The following HAGH variants were observed in gnomAD, a reference collection of about 807,000 sequenced individuals.
HAGH encodes the protein hydroxyacylglutathione hydrolase, also known as hydroxyacylglutathione hydrolase, mitochondrial.
HAGH carries 29 observed loss-of-function variants against 35.1 expected under a neutral mutation model. That is an observed-to-expected ratio of 0.83 (90% CI 0.62 to 1.13). The LOEUF is 1.13. Among genes scored for constraint, HAGH ranks in the 50% most tolerant of loss-of-function variants. The pLI is 0.00. For missense variants in HAGH, 478 were observed against 419.6 expected, an observed-to-expected ratio of 1.14 and a Z score of -1.22; for synonymous variants, 225 against 176.1, an observed-to-expected ratio of 1.28 and a Z score of -2.20.
chr16:1,821,372 A>T (rs541323165), intron 3 of HAGH: 1 of 152,492 alleles, frequency 6.6e-6, no homozygotes, highest in East Asian at 1.9e-4. Context: ...ATTTCACCCC[A>T]ACACAGAGGC....
At chr16:1,809,570 C>T (rs1424508861) in intron 8 of HAGH, 184 bp downstream of exon 8, 19 of 665,758 alleles carry the variant, frequency 2.9e-5, no homozygotes, top group Admixed American at 1.8e-4. Flanking sequence ...ACTCACACCC[C>T]GGCCAAGGTG....
rs1041665805 is a variant in HAGH at position 1,807,795 on chromosome 16, G to C, written c.*1488C>G. The C allele has an allele frequency of 6.6e-6, 1 of 152,378 alleles. No homozygotes were observed. Among genetic ancestry groups the C allele is most frequent in the East Asian group, 1.9e-4 (1 of 5,176 alleles). 9.4% of individuals were successfully genotyped at this position (152,378 alleles called of 1,614,324 possible). On this transcript the variant is annotated 3_prime_UTR_variant, in exon 9 of 9. Coordinates refer to ENST00000397356, the MANE Select transcript of HAGH (RefSeq NM_005326.6). Reference sequence around the variant, plus strand: ...CTTCCGTGGCATCCCAGAGGGGTCTGCGAGTATGCGAACAGACCAGTGACC... The same window carrying C: ...CTTCCGTGGCATCCCAGAGGGGTCTCCGAGTATGCGAACAGACCAGTGACC...
rs543397748 is a variant in HAGH, at chr16:1,819,159, A to C, written c.497T>G (p.Phe166Cys). 1 of 1,613,158 alleles carries C rather than the reference A, an allele frequency of 6.2e-7. No homozygotes were observed. Among genetic ancestry groups the C allele is most frequent in the African/African-American group, 1.3e-5 (1 of 74,914 alleles). Residue 166 changes from phenylalanine (F) to cysteine (C), a missense_variant, in exon 5 of 9, where the codon TTC (phenylalanine) becomes TGC (cysteine). Physicochemically the swap from Phe to Cys is radical, Grantham distance 205. Coordinates refer to ENST00000397356, the MANE Select transcript of HAGH (RefSeq NM_005326.6). ...CTCCGAGCCTCCGGGCTTGCTCACG[A>C]AGTAACAAATGTGTCCTGAAGTGTG... is the stretch of plus-strand genomic sequence containing the variant. The part of the protein sequence containing the change: ...PCHTSGHICY[F>C]VSKPGGSEPP...
chr16:1,809,916 C>CA, intron 7 of HAGH, 83 bp from the exon 8 acceptor site: 1 of 1,016,422 alleles, frequency 9.8e-7, no homozygotes, highest in Non-Finnish European at 1.5e-6. Context: ...GTGATACCAG[C>CA]ACTTTGGGAG....
At position 1,826,797 on chromosome 16, in the gene HAGH, C is replaced by G; in HGVS notation, c.-10G>C. The G allele has an allele frequency of 8.2e-7, 1 of 1,218,678 alleles. No individual in the cohort carries two copies. Among genetic ancestry groups the G allele is most frequent in the Non-Finnish European group, 1.0e-6 (1 of 977,568 alleles). 75.5% of individuals were successfully genotyped at this position (1,218,678 alleles called of 1,614,324 possible). A position where few individuals can be genotyped will look rare whatever the true frequency, so the allele number is the denominator to read the frequency against. On this transcript the variant is annotated 5_prime_UTR_variant, in exon 1 of 9. Transcript: ENST00000397356. ...CTCGGCCCACCACCATGACCCGGGC[C>G]GGGCTGGACTGCCGAGCTGCCCAGG...
At chr16:1,809,912 C>T in intron 7 of HAGH, 79 bp from the exon 8 acceptor site, 1 of 1,070,536 alleles carries the variant, frequency 9.3e-7, no homozygotes, top group Non-Finnish European at 1.4e-6. Flanking sequence ...GTCTGTGATA[C>T]CAGCACTTTG....
chr16:1,809,422 A>ACGCC, intron 8 of HAGH, 40 bp from the exon 9 acceptor site: 1 of 1,548,112 alleles, frequency 6.5e-7, no homozygotes, highest in Non-Finnish European at 8.8e-7. Flanking sequence ...GTGCCGAGCC[A>ACGCC]CGCCCACCGG....
At chr16:1,812,967 C>T (rs113882121) in intron 7 of HAGH, among the ~76,000 whole-genome samples, 3 of 152,294 alleles carry the variant, frequency 2.0e-5, no homozygotes, top group Non-Finnish European at 2.9e-5. Context: ...CCACAAGCAC[C>T]GGGGAAGGGG....
At chr16:1,819,346 T>A (rs1898045321) in intron 4 of HAGH, 123 bp from the exon 5 acceptor site, 1 of 628,946 alleles carries the variant, frequency 1.6e-6, no homozygotes, top group Non-Finnish European at 2.8e-6. Flanking sequence ...CCCGTGAAGG[T>A]GGGGCAGGTG....
intron 1 of HAGH, among the ~76,000 whole-genome samples, chr16:1,823,824 A>C (rs1200363580): frequency 1.1e-4 from 17 of 150,612 alleles, no homozygotes; most frequent in Admixed American, 1.1e-3. Context: ...ACTCATGCTC[A>C]CATTCATGGA....
At chr16:1,819,734 C>T (rs1171125434) in intron 4 of HAGH, 163 bp downstream of exon 4, 2 of 647,934 alleles carry the variant, frequency 3.1e-6, no homozygotes, top group Non-Finnish European at 5.5e-6. Flanking sequence ...ACACTCCTCT[C>T]CTTGTGCCTA....
intron 7 of HAGH, among the ~76,000 whole-genome samples, chr16:1,811,767 G>C (rs1897658333): frequency 6.6e-6 from 1 of 152,172 alleles, no homozygotes; most frequent in South Asian, 2.1e-4. Flanking sequence ...CAGCTCAGAA[G>C]AGCTCCACCT....
Position 1,826,653 on chromosome 16 carries a change from C to T in HAGH, c.76+59G>A, listed in dbSNP as rs1596949307. ...GTCGCCAAACGACGGCCCGGCGCCG[C>T]CCGCTGCCCGCCCCGCCAGGCCCGC... On this transcript the variant is annotated intron_variant, in intron 1 of 8. Coordinates refer to ENST00000397356, the MANE Select transcript of HAGH (RefSeq NM_005326.6). 6.4e-5 allele frequency: 62 copies of T among 965,112 alleles called. No homozygotes were observed. The South Asian group carries it at 2.2e-3, about 34-fold the overall frequency. The allele number at this position is 965,112 out of a possible 1,614,324, so 59.8% of individuals were successfully genotyped here. A position where few individuals can be genotyped will look rare whatever the true frequency, so the allele number is the denominator to read the frequency against.
At chr16:1,824,401 G>A (rs1596943587) in intron 1 of HAGH, among the ~76,000 whole-genome samples, 4 of 152,174 alleles carry the variant, frequency 2.6e-5, no homozygotes, top group Admixed American at 2.6e-4. Flanking sequence ...GGGCCCAGAA[G>A]GCCCAAGAGC....
intron 8 of HAGH, 73 bp from the exon 9 acceptor site, chr16:1,809,455 GA>G: frequency 7.9e-7 from 1 of 1,264,944 alleles, no homozygotes; most frequent in Non-Finnish European, 1.1e-6. Flanking sequence ...CACTGCAGAG[GA>G]AGGCGACTCG....
At position 1,816,996 on chromosome 16, in the gene HAGH, TGAGGA is replaced by T. The variant is rs753321942; in HGVS notation, c.646-7_646-3del. The T allele has an allele frequency of 2.5e-6, 4 of 1,601,896 alleles. No homozygotes were observed. Among genetic ancestry groups the T allele is most frequent in the Non-Finnish European group, 3.4e-6 (4 of 1,168,894 alleles). Reference sequence around the variant, plus strand: ...GTACTCGTGGCCACAGTAGACTCTCTGAGGAGAGAGGTGACAGGTGAGCTCGGAAG... The same window carrying T: ...GTACTCGTGGCCACAGTAGACTCTCTGAGAGGTGACAGGTGAGCTCGGAAG... On this transcript the variant is annotated splice_polypyrimidine_tract_variant and splice_region_variant and intron_variant, in intron 6 of 8. Transcript: ENST00000397356.
chr16:1,823,380 G>C (rs1324017197), intron 1 of HAGH, among the ~76,000 whole-genome samples: 1 of 150,892 alleles, frequency 6.6e-6, no homozygotes, highest in African/African-American at 2.4e-5. Flanking sequence ...CCGTTCTCCT[G>C]TCTCAGCCTC....
At chr16:1,809,412 G>T (rs756625593) in intron 8 of HAGH, 30 bp from the exon 9 acceptor site, 1 of 1,575,138 alleles carries the variant, frequency 6.3e-7, no homozygotes, top group South Asian at 1.1e-5. Context: ...GCTGCAGGCT[G>T]TGCCGAGCCA....
chr16:1,826,820 A>C lies in HAGH; in HGVS notation c.-33T>G. On this transcript the variant is annotated 5_prime_UTR_variant, in exon 1 of 9. Transcript: ENST00000397356. Reference sequence around the variant, plus strand: ...GCCGGGCTGGACTGCCGAGCTGCCCAGGACTGCAAAACACCGGCGTCGGCG... The same window carrying C: ...GCCGGGCTGGACTGCCGAGCTGCCCCGGACTGCAAAACACCGGCGTCGGCG... 2 of 1,224,974 alleles carry C rather than the reference A, an allele frequency of 1.6e-6. No homozygotes were observed. Among genetic ancestry groups the C allele is most frequent in the Non-Finnish European group, 1.0e-6 (1 of 972,188 alleles). 75.9% of individuals were successfully genotyped at this position (1,224,974 alleles called of 1,614,324 possible). A position where few individuals can be genotyped will look rare whatever the true frequency, so the allele number is the denominator to read the frequency against.
Sources: gnomAD v4.1 joint callset for allele counts (sites outside exome capture counted in the v4.1 genomes callset) on GRCh38, gnomAD v4.1.1 for gene constraint, MANE v1.5 for transcripts, NCBI Gene and HGNC (gene_info 2026-07-23, HGNC 2026-07-21) for gene names.